FHDC1: variants seen among roughly 807,000 people sequenced by gnomAD.
FHDC1 encodes FH2 domain-containing protein 1.
A neutral mutation model predicts 52.6 loss-of-function variants in FHDC1; 25 were observed. The observed-to-expected ratio is 0.48, with a 90% CI of 0.35 to 0.66. FHDC1 has a LOEUF of 0.66. FHDC1 is among the 30% of genes least tolerant of loss of function. The pLI is 0.01. For missense variants in FHDC1, 1,459 were observed against 1,452.8 expected (o/e 1.00, Z -0.07); for synonymous variants, 616 against 581.5 (o/e 1.06, Z -0.85).
intron 9 of FHDC1, among the ~76,000 whole-genome samples, chr4:152,965,361 TG>T (rs1267626628): frequency 6.6e-6 from 1 of 152,226 alleles, no homozygotes; most frequent in Non-Finnish European, 1.5e-5. Context: ...GAATCTAACA[TG>T]GTACATTTAT....
intron 2 of FHDC1, among the ~76,000 whole-genome samples, chr4:152,951,744 T>A (rs961232886): frequency 2.6e-5 from 4 of 152,088 alleles, no homozygotes; most frequent in African/African-American, 9.7e-5. Context: ...TTTTAGCTAG[T>A]CTCCCGTTAC....
chr4:152,973,413 C>T (rs1282891495), intron 11 of FHDC1, among the ~76,000 whole-genome samples: 1 of 152,240 alleles, frequency 6.6e-6, no homozygotes, highest in Non-Finnish European at 1.5e-5. Context: ...GGAGGCTCAG[C>T]CTGTGGCCAC....
the FHDC1 span, among the ~76,000 whole-genome samples, chr4:152,928,986 A>G: frequency 2.0e-5 from 3 of 151,594 alleles, no homozygotes; most frequent in Non-Finnish European, 1.5e-5. Flanking sequence ...AGAAAAAAAA[A>G]GAAAGTTTAT....
chr4:152,940,904 A>T (rs1413372119), intron 1 of FHDC1, among the ~76,000 whole-genome samples: 1 of 152,218 alleles, frequency 6.6e-6, no homozygotes, highest in Non-Finnish European at 1.5e-5. Flanking sequence ...CAACTATGAA[A>T]ACAGCCTAGT....
chr4:152,954,346 G>C, intron 4 of FHDC1, 27 bp downstream of exon 4: 1 of 1,559,080 alleles, frequency 6.4e-7, no homozygotes, highest in Non-Finnish European at 8.8e-7. Flanking sequence ...ATGAGTTGTA[G>C]ATGTTAGGAG....
the FHDC1 span, among the ~76,000 whole-genome samples, chr4:152,926,267 G>GACAC: frequency 0.18 from 25,307 of 144,238 alleles, 2,247 homozygotes; most frequent in East Asian, 0.3. Context: ...TTAAAATACA[G>GACAC]ACACACACAC....
At chr4:152,935,493 T>C (rs1029626765), upstream of FHDC1, among the ~76,000 whole-genome samples, 27 of 152,190 alleles carry the variant, frequency 1.8e-4, no homozygotes, top group Non-Finnish European at 1.5e-4. Flanking sequence ...TTCCCCTGTT[T>C]CTTTCTGTGA....
Position 152,949,124 on chromosome 4 carries a change from T to TAATAAGAAGAAG in FHDC1, c.499-4373_499-4372insTAAGAAGAAGAA, listed in dbSNP as rs1347590282. ...ATAATAATAATAATAATAATAATAA[T>TAATAAGAAGAAG]AAGAAGAAGAAGAAGAAGAAGAAGA... On this transcript the variant is annotated intron_variant, in intron 2 of 11. Transcript: ENST00000511601. Among the ~76,000 whole-genome samples the TAATAAGAAGAAG allele has an allele frequency of 5.9e-3, 442 of 74,660 alleles. 2 individuals are homozygous for TAATAAGAAGAAG. Among genetic ancestry groups the TAATAAGAAGAAG allele is most frequent in the East Asian group, 0.019 (41 of 2,170 alleles). The allele number at this position is 74,660 out of a possible 152,430, so 49.0% of individuals were successfully genotyped here.
At chr4:152,915,974 CA>C in the FHDC1 span, among the ~76,000 whole-genome samples, 1 of 152,022 alleles carries the variant, frequency 6.6e-6, no homozygotes, top group East Asian at 1.9e-4. Flanking sequence ...TGGAATTGTT[CA>C]ATCTGCAGCT....
chr4:152,964,569 G>A (rs893758975), intron 8 of FHDC1, among the ~76,000 whole-genome samples: 10 of 152,132 alleles, frequency 6.6e-5, no homozygotes, highest in Admixed American at 1.3e-4. Flanking sequence ...AAGGTATCTC[G>A]CTCATTTAAA....
rs141865298 is a variant in FHDC1, at chr4:152,975,467, C to T, written c.2176C>T (p.Pro726Ser). 1.2e-6 allele frequency: 2 copies of T among 1,613,382 alleles called. No individual in the cohort carries two copies. The highest frequency in any genetic ancestry group is 1.7e-6 in the Non-Finnish European group (2 of 1,179,992). The change falls in exon 12 of 12, where the codon CCC becomes TCC. Residue 726 changes from proline (P) to serine (S), a missense_variant. Pro to Ser is a moderately conservative substitution (Grantham distance 74). Coordinates refer to ENST00000511601, the MANE Select transcript of FHDC1 (RefSeq NM_001371116.1). ...CAGTGCCAGCAGCAGCAGCCTGACA[C>T]CCATGGGCAGAGATGCCCTGGGGAG... ...SLSASSSSLT[P>S]MGRDALGSLS...
upstream of FHDC1, among the ~76,000 whole-genome samples, chr4:152,934,882 G>C (rs1370061954): frequency 6.6e-6 from 1 of 152,140 alleles, no homozygotes; most frequent in East Asian, 1.9e-4. Flanking sequence ...AGTAGGCAAG[G>C]GGTGTGGACT....
chr4:152,962,975 GTGTGTGTA>G (rs775269266), intron 7 of FHDC1, 40 bp from the exon 8 acceptor site: 11 of 1,445,928 alleles, frequency 7.6e-6, no homozygotes, highest in African/African-American at 2.9e-5. Context: ...GTGTGTGTGT[GTGTGTGTA>G]TGTATACATA....
At chr4:152,933,750 A>T (rs1402261133), upstream of FHDC1, among the ~76,000 whole-genome samples, 1 of 151,474 alleles carries the variant, frequency 6.6e-6, no homozygotes, top group Non-Finnish European at 1.5e-5. Flanking sequence ...AAAAAAAAAA[A>T]AGTCAAAATA....
the FHDC1 span, among the ~76,000 whole-genome samples, chr4:152,915,630 C>T: frequency 6.6e-5 from 10 of 152,014 alleles, no homozygotes; most frequent in African/African-American, 1.9e-4. Flanking sequence ...TTTAAATAGC[C>T]GTTCTTCTGT....
chr4:152,960,469 C>T (rs1740245299), intron 4 of FHDC1, 96 bp from the exon 5 acceptor site: 23 of 1,074,818 alleles, frequency 2.1e-5, no homozygotes, highest in South Asian at 9.3e-5. Context: ...CACTAAAATC[C>T]TATTTTTTTA....
At chr4:152,929,260 T>C in the FHDC1 span, among the ~76,000 whole-genome samples, 1 of 152,152 alleles carries the variant, frequency 6.6e-6, no homozygotes, top group African/African-American at 2.4e-5. This position sits in a 1 kb window ranked among gnomAD's most constrained non-coding sequence, Gnocchi z 4.1. Flanking sequence ...AATACACAAC[T>C]TACATGTGAG....
At position 152,975,894 on chromosome 4, in the gene FHDC1, A is replaced by G. The variant is rs542482568; in HGVS notation, c.2603A>G (p.Lys868Arg). 352 of 1,513,848 alleles carry G rather than the reference A, an allele frequency of 2.3e-4. 5 individuals are homozygous for G. In the South Asian group the frequency reaches 4.5e-3, roughly 19 times the overall value. 93.8% of individuals were successfully genotyped at this position (1,513,848 alleles called of 1,614,324 possible). ...GTAGCACCAAAGAGAGGCTCCCTGA[A>G]AGAGGCGTCTCCCGGGGCCTCCAAG... ...DVVAPKRGSL[K>R]EASPGASKPG... The change falls in exon 12 of 12, where the codon AAA becomes AGA. Residue 868 changes from lysine to arginine, a missense_variant. This residue lies in a region of FHDC1 where 939 missense variants were observed against 854.5 expected (regional missense o/e 1.10). Transcript: ENST00000511601.
At chr4:152,955,094 A>G (rs1374518887) in intron 4 of FHDC1, among the ~76,000 whole-genome samples, 1 of 152,138 alleles carries the variant, frequency 6.6e-6, no homozygotes, top group Non-Finnish European at 1.5e-5. Flanking sequence ...TATAATCCAT[A>G]TACTTTTTTT....
Sources: allele counts gnomAD v4.1 joint callset (sites outside exome capture counted in the v4.1 genomes callset), GRCh38; gene constraint gnomAD v4.1.1; regional missense constraint gnomAD v4.1.1; non-coding constraint Gnocchi (gnomAD v3.1); transcripts MANE v1.5; gene names NCBI Gene and HGNC (gene_info 2026-07-23, HGNC 2026-07-21).